RPH3AL: variants seen among roughly 807,000 people sequenced by gnomAD.
RPH3AL encodes the protein rabphilin 3A like (without C2 domains), also known as rab effector Noc2.
In RPH3AL, 38 loss-of-function variants were observed where a neutral mutation model predicts 43.1. The ratio of observed to expected loss-of-function variants is 0.88; its 90% CI spans 0.68 to 1.15. The LOEUF is 1.15. Ranked by LOEUF, RPH3AL falls within the 50% of genes most tolerant of loss-of-function variation. The pLI is 0.00. For synonymous variants in RPH3AL, 189 were observed against 176.3 expected (o/e 1.07, Z -0.57); for missense variants, 462 against 423.2 (o/e 1.09, Z -0.81).
intron 1 of RPH3AL, among the ~76,000 whole-genome samples, chr17:345,689 G>A (rs62055025): frequency 1.3e-5 from 1 of 74,360 alleles, no homozygotes; most frequent in Non-Finnish European, 3.6e-5. Context: ...CGCACACCCT[G>A]CTGGGGCACG....
chr17:316,428 A>C (rs1257086619), intron 5 of RPH3AL, among the ~76,000 whole-genome samples: 3 of 144,470 alleles, frequency 2.1e-5, no homozygotes, highest in South Asian at 2.2e-4. Flanking sequence ...CCCCACCTCC[A>C]TTGACCTGTA....
At chr17:216,876 G>A (rs2040815771) in intron 8 of RPH3AL, among the ~76,000 whole-genome samples, 2 of 152,120 alleles carry the variant, frequency 1.3e-5, no homozygotes, top group Admixed American at 6.5e-5. Flanking sequence ...AGAGGGGGGT[G>A]GTGGTACGTG....
intron 1 of RPH3AL, among the ~76,000 whole-genome samples, chr17:342,405 C>G (rs796766665): frequency 1.4e-4 from 21 of 152,282 alleles, no homozygotes; most frequent in African/African-American, 4.8e-4. Context: ...AACCTGTACA[C>G]CAATGCTCAT....
intron 5 of RPH3AL, among the ~76,000 whole-genome samples, chr17:317,931 C>T (rs1447872972): frequency 1.4e-5 from 2 of 144,676 alleles, no homozygotes; most frequent in African/African-American, 5.0e-5. Context: ...ATCCTCCATC[C>T]TCCACCCTCC....
intron 1 of RPH3AL, among the ~76,000 whole-genome samples, chr17:340,730 C>T (rs1369108190): frequency 6.5e-5 from 6 of 92,270 alleles, no homozygotes; most frequent in African/African-American, 9.4e-5. Flanking sequence ...ACTCACTGCC[C>T]CCCACCCAGG....
At chr17:315,099 T>C in intron 5 of RPH3AL, among the ~76,000 whole-genome samples, 1 of 144,514 alleles carries the variant, frequency 6.9e-6, no homozygotes. Flanking sequence ...TTGTAGTCCC[T>C]GTGACCCCAC....
intron 7 of RPH3AL, among the ~76,000 whole-genome samples, chr17:233,513 G>T (rs2041279775): frequency 6.6e-6 from 1 of 152,166 alleles, no homozygotes; most frequent in African/African-American, 2.4e-5. Context: ...GCCACTAGGG[G>T]CAGGGTCAAG....
At chr17:324,422 C>T (rs571435855) in intron 3 of RPH3AL, among the ~76,000 whole-genome samples, 4 of 152,300 alleles carry the variant, frequency 2.6e-5, no homozygotes, top group South Asian at 2.1e-4. Flanking sequence ...ATGCAGCTGA[C>T]GGAGGCCGAC....
intron 5 of RPH3AL, among the ~76,000 whole-genome samples, chr17:301,591 C>T (rs2043329730): frequency 6.6e-6 from 1 of 152,056 alleles, no homozygotes; most frequent in South Asian, 2.1e-4. Context: ...AGGGGCACAA[C>T]CAGGCCCACC....
chr17:252,224 C>A (rs2041922136), intron 6 of RPH3AL, among the ~76,000 whole-genome samples: 1 of 152,168 alleles, frequency 6.6e-6, no homozygotes, highest in Admixed American at 6.5e-5. Context: ...ATCTGCCCAC[C>A]TCTGCCTCCC....
Position 213,838 on chromosome 17 carries a change from A to C in RPH3AL, c.*14T>G. ...AATCCTCCACAGGGAAGTCTGTTCCAGGCACCAGACACCTCAGCCCAGGCA... is the reference window on the plus strand; with the variant it reads ...AATCCTCCACAGGGAAGTCTGTTCCCGGCACCAGACACCTCAGCCCAGGCA... On this transcript the variant is annotated 3_prime_UTR_variant, in exon 10 of 10. Transcript: ENST00000331302. 6.2e-7 allele frequency: 1 copy of C among 1,607,526 alleles called. No individual in the cohort carries two copies. Among genetic ancestry groups the C allele is most frequent in the Non-Finnish European group, 8.5e-7 (1 of 1,174,808 alleles).
At chr17:316,026 A>G (rs1555520094) in intron 5 of RPH3AL, among the ~76,000 whole-genome samples, 1 of 138,386 alleles carries the variant, frequency 7.2e-6, no homozygotes, top group Non-Finnish European at 1.5e-5. Flanking sequence ...CTGTGCCCCC[A>G]CCTCCATTGA....
chr17:292,571 C>A (rs1266284849), intron 5 of RPH3AL, among the ~76,000 whole-genome samples: 2 of 152,140 alleles, frequency 1.3e-5, no homozygotes. Flanking sequence ...GGATGCGAAC[C>A]CTGTTCAGTC....
intron 5 of RPH3AL, among the ~76,000 whole-genome samples, chr17:293,345 G>T (rs146923003): frequency 5.4e-4 from 82 of 152,312 alleles, no homozygotes; most frequent in South Asian, 2.1e-3. Flanking sequence ...CATTCACAGA[G>T]CACATAATAA....
chr17:324,529 G>A lies in RPH3AL; in HGVS notation c.77+2938C>T, dbSNP rs1011980466. On this transcript the variant is annotated intron_variant, in intron 3 of 9. Transcript: ENST00000331302. ...TTCCCCTGCACGTTCCCCGCACGGC[G>A]CCCTCGTCTCTCAGCTCACCAGTGG... 3.9e-5 allele frequency among the ~76,000 whole-genome samples: 6 copies of A among 152,150 alleles called. No individual in the cohort carries two copies. The East Asian group carries it at 7.7e-4, about 20-fold the overall frequency.
chr17:317,444 A>T (rs79067401), intron 5 of RPH3AL, among the ~76,000 whole-genome samples: 1 of 81,944 alleles, frequency 1.2e-5, no homozygotes. Flanking sequence ...CCTGTAGTCC[A>T]TGTGCCCCCA....
At chr17:327,357 T>G in intron 3 of RPH3AL, 110 bp downstream of exon 3, 1 of 965,572 alleles carries the variant, frequency 1.0e-6, no homozygotes, top group Non-Finnish European at 1.7e-6. Context: ...GACAGGCACC[T>G]CTCTCCAAAC....
intron 6 of RPH3AL, among the ~76,000 whole-genome samples, chr17:272,881 A>G (rs532242703): frequency 6.6e-6 from 1 of 151,738 alleles, no homozygotes; most frequent in African/African-American, 2.4e-5. Context: ...GAAGAAATAA[A>G]GACCCAGCCT....
At chr17:312,923 C>T (rs571987933) in intron 5 of RPH3AL, among the ~76,000 whole-genome samples, 4 of 152,322 alleles carry the variant, frequency 2.6e-5, no homozygotes, top group African/African-American at 7.2e-5. Context: ...TGCAGGAACA[C>T]GGAGGCACTC....
Sources: gnomAD v4.1 joint callset for allele counts (sites outside exome capture counted in the v4.1 genomes callset) on GRCh38, gnomAD v4.1.1 for gene constraint, MANE v1.5 for transcripts, NCBI Gene and HGNC (gene_info 2026-07-23, HGNC 2026-07-21) for gene names.